The following PHF24 variants were observed in gnomAD, a reference collection of about 807,000 sequenced individuals.
PHF24 encodes PHD finger protein 24.
Under a neutral mutation model 42.6 loss-of-function variants are expected in PHF24, and 25 were observed. The observed-to-expected ratio is 0.59, with a 90% confidence interval of 0.43 to 0.82. The LOEUF is 0.82. PHF24 is among the 40% of genes least tolerant of loss of function. The pLI, the probability that PHF24 is intolerant of heterozygous loss-of-function variation, is 0.00. For synonymous variants in PHF24, 185 were observed against 204.8 expected (o/e 0.90, Z 0.83); for missense variants, 470 against 538.1 (o/e 0.87, Z 1.25).
At chr9:34,673,652 C>T in the PHF24 span, among the ~76,000 whole-genome samples, 8 of 149,034 alleles carry the variant, frequency 5.4e-5, no homozygotes, top group South Asian at 1.1e-3. Context: ...GACGGAGTCT[C>T]GCTCTGTCGC....
chr9:34,783,437 C>T, the PHF24 span, among the ~76,000 whole-genome samples: 2 of 152,194 alleles, frequency 1.3e-5, no homozygotes, highest in Admixed American at 1.3e-4. Flanking sequence ...GTGCTCCTGG[C>T]TTCAAAACGA....
At chr9:34,727,022 A>C in the PHF24 span, 1 of 1,532,284 alleles carries the variant, frequency 6.5e-7, no homozygotes, top group Non-Finnish European at 8.8e-7. Flanking sequence ...TTAACGATGG[A>C]GTGACATCTG....
chr9:34,700,132 G>T, the PHF24 span, among the ~76,000 whole-genome samples: 2 of 152,216 alleles, frequency 1.3e-5, no homozygotes, highest in African/African-American at 4.8e-5. Context: ...GCCAAAAGGG[G>T]AGGGTGGTAG....
chr9:34,850,615 C>T, the PHF24 span, among the ~76,000 whole-genome samples: 1 of 152,250 alleles, frequency 6.6e-6, no homozygotes, highest in Non-Finnish European at 1.5e-5. Context: ...CGAAGTCATT[C>T]TCCATCCAGC....
At chr9:34,879,322 C>A in the PHF24 span, among the ~76,000 whole-genome samples, 1 of 152,208 alleles carries the variant, frequency 6.6e-6, no homozygotes, top group Non-Finnish European at 1.5e-5. Flanking sequence ...AGGAATGCAG[C>A]TCCTCACCAG....
At chr9:34,810,437 C>G in the PHF24 span, among the ~76,000 whole-genome samples, 1 of 152,158 alleles carries the variant, frequency 6.6e-6, no homozygotes, top group African/African-American at 2.4e-5. Context: ...AGGGCACTGG[C>G]CCTTAGGGAG....
the PHF24 span, among the ~76,000 whole-genome samples, chr9:34,719,649 C>T: frequency 6.6e-6 from 1 of 152,116 alleles, no homozygotes. Context: ...CTGTAGGGAA[C>T]CATGGGAGGG....
chr9:34,801,139 G>C, the PHF24 span, among the ~76,000 whole-genome samples: 4 of 152,118 alleles, frequency 2.6e-5, no homozygotes, highest in Non-Finnish European at 5.9e-5. Flanking sequence ...TTAGAACGCC[G>C]ATCATTAAAA....
the PHF24 span, among the ~76,000 whole-genome samples, chr9:34,718,064 G>C: frequency 3.5e-4 from 54 of 152,226 alleles, no homozygotes; most frequent in African/African-American, 1.2e-3. Flanking sequence ...CCAGCTGCTG[G>C]TACTATTTAC....
chr9:34,714,587 A>G, the PHF24 span, among the ~76,000 whole-genome samples: 1 of 152,202 alleles, frequency 6.6e-6, no homozygotes. Context: ...AATTCTAAGC[A>G]TTTGGTGGGG....
the PHF24 span, among the ~76,000 whole-genome samples, chr9:34,822,171 A>G: frequency 1.3e-5 from 2 of 152,276 alleles, no homozygotes; most frequent in East Asian, 3.9e-4. Context: ...ATTATCTTTT[A>G]GAGTGACTAA....
At chr9:34,721,078 C>T in the PHF24 span, among the ~76,000 whole-genome samples, 2,546 of 152,274 alleles carry the variant, frequency 0.017, 61 homozygotes, top group African/African-American at 0.053. Flanking sequence ...TGAAGTCCTC[C>T]CTCATTAACT....
the PHF24 span, among the ~76,000 whole-genome samples, chr9:34,739,738 C>T: frequency 6.6e-6 from 1 of 152,068 alleles, no homozygotes; most frequent in Non-Finnish European, 1.5e-5. Context: ...TTGCAAAGAG[C>T]GAAAGAATAA....
the PHF24 span, among the ~76,000 whole-genome samples, chr9:34,923,919 CT>C: frequency 1.3e-5 from 2 of 151,214 alleles, no homozygotes; most frequent in Non-Finnish European, 3.0e-5. Context: ...GTTTTTTTTA[CT>C]TTTTTTGATG....
At chr9:34,894,889 G>A in the PHF24 span, 5 of 396,456 alleles carry the variant, frequency 1.3e-5, no homozygotes, top group Non-Finnish European at 2.2e-5. Context: ...TCCACCCAAG[G>A]AAGTCTTCCA....
At chr9:34,853,817 G>T in the PHF24 span, among the ~76,000 whole-genome samples, 2 of 125,094 alleles carry the variant, frequency 1.6e-5, no homozygotes, top group East Asian at 2.4e-4. Context: ...GACAGAGCGA[G>T]ACTCCGTCTC....
chr9:34,825,814 C>T, the PHF24 span, among the ~76,000 whole-genome samples: 1 of 152,178 alleles, frequency 6.6e-6, no homozygotes, highest in African/African-American at 2.4e-5. Flanking sequence ...GCCCTGGCCC[C>T]TCACCGTATC....
chr9:34,920,348 T>C, the PHF24 span, among the ~76,000 whole-genome samples: 1 of 152,210 alleles, frequency 6.6e-6, no homozygotes. Context: ...CTGGGTTCTC[T>C]GTTCTGTCCC....
At chr9:34,976,335 A>G in intron 4 of PHF24, 105 bp downstream of exon 4, 1 of 1,055,014 alleles carries the variant, frequency 9.5e-7, no homozygotes, top group Admixed American at 1.8e-5. Flanking sequence ...TAGTGGGTAG[A>G]GGGTAAATGA....
Sources: allele counts gnomAD v4.1 joint callset (sites outside exome capture counted in the v4.1 genomes callset), GRCh38; gene constraint gnomAD v4.1.1; transcripts MANE v1.5; gene names NCBI Gene and HGNC (gene_info 2026-07-23, HGNC 2026-07-21).